Variants in PTPRM observed in about 807,000 individuals in gnomAD.
The protein encoded by PTPRM is protein tyrosine phosphatase receptor type M, also known as receptor-type tyrosine-protein phosphatase mu.
In PTPRM, 47 loss-of-function variants were observed where a neutral mutation model predicts 186.7. That is an observed-to-expected ratio of 0.25 (90% CI 0.20 to 0.32). The LOEUF is 0.32. Among genes scored for constraint, PTPRM ranks in the 10% least tolerant of loss-of-function variants. The pLI, the probability that PTPRM is intolerant of heterozygous loss-of-function variation, is 1.00. For missense variants in PTPRM, 1,494 were observed against 1,865.0 expected, an observed-to-expected ratio of 0.80 and a Z score of 3.66; for synonymous variants, 668 against 674.9, an observed-to-expected ratio of 0.99 and a Z score of 0.16.
At chr18:7,644,959 T>C (rs1011849876) in intron 1 of PTPRM, among the ~76,000 whole-genome samples, 2 of 152,240 alleles carry the variant, frequency 1.3e-5, no homozygotes, top group African/African-American at 4.8e-5. Context: ...AAAGACCTTC[T>C]GTGCTAATGC....
At chr18:7,693,671 A>G (rs948583018) in intron 1 of PTPRM, among the ~76,000 whole-genome samples, 1 of 152,206 alleles carries the variant, frequency 6.6e-6, no homozygotes, top group African/African-American at 2.4e-5. Flanking sequence ...AGCAATCTGT[A>G]ATATCAATGA....
chr18:8,168,530 G>A (rs921207008), intron 14 of PTPRM, among the ~76,000 whole-genome samples: 1 of 151,976 alleles, frequency 6.6e-6, no homozygotes, highest in South Asian at 2.1e-4. Context: ...TTGTTAATTT[G>A]TAGACTGTTT....
chr18:8,363,168 C>T (rs563863538), intron 23 of PTPRM, among the ~76,000 whole-genome samples: 237 of 152,294 alleles, frequency 1.6e-3, no homozygotes, highest in Non-Finnish European at 3.0e-3. Context: ...CAGTGTTGGT[C>T]CCTTAGGTCT....
At chr18:7,738,700 CA>C (rs1388609156) in intron 1 of PTPRM, among the ~76,000 whole-genome samples, 1 of 152,024 alleles carries the variant, frequency 6.6e-6, no homozygotes, top group African/African-American at 2.4e-5. Context: ...CTCGGCCTCC[CA>C]AAGTGCTGGG....
At chr18:7,699,326 C>G (rs758488134) in intron 1 of PTPRM, among the ~76,000 whole-genome samples, 1 of 152,038 alleles carries the variant, frequency 6.6e-6, no homozygotes, top group African/African-American at 2.4e-5. Context: ...ATATACTTAT[C>G]GAAAATATAT....
chr18:8,234,069 C>A (rs2094317472), intron 14 of PTPRM, among the ~76,000 whole-genome samples: 1 of 152,144 alleles, frequency 6.6e-6, no homozygotes, highest in Non-Finnish European at 1.5e-5. Flanking sequence ...AATCTTCCAA[C>A]TTTTTTCTAA....
At chr18:7,723,379 C>G (rs1256151806) in intron 1 of PTPRM, among the ~76,000 whole-genome samples, 1 of 152,140 alleles carries the variant, frequency 6.6e-6, no homozygotes, top group African/African-American at 2.4e-5. Context: ...ATACCATTAA[C>G]CTAATAGATC....
At chr18:7,773,509 C>T (rs1468714017) in intron 1 of PTPRM, among the ~76,000 whole-genome samples, 3 of 151,318 alleles carry the variant, frequency 2.0e-5, no homozygotes, top group Non-Finnish European at 4.4e-5. Context: ...AATTCCTATA[C>T]ATCTGGAAAC....
chr18:7,818,026 G>T (rs1343375561), intron 2 of PTPRM, among the ~76,000 whole-genome samples: 4 of 152,214 alleles, frequency 2.6e-5, no homozygotes, highest in Non-Finnish European at 5.9e-5. Flanking sequence ...GGTCAGGGCA[G>T]CCTAGGGATT....
At chr18:8,323,889 C>T (rs1475040644) in intron 22 of PTPRM, among the ~76,000 whole-genome samples, 1 of 152,086 alleles carries the variant, frequency 6.6e-6, no homozygotes, top group South Asian at 2.1e-4. Flanking sequence ...ATATCAAGAT[C>T]GTTTCCCCAG....
intron 5 of PTPRM, among the ~76,000 whole-genome samples, chr18:7,937,119 A>G (rs1002161122): frequency 1.3e-5 from 2 of 152,162 alleles, no homozygotes; most frequent in African/African-American, 4.8e-5. Flanking sequence ...TTCTTCCTAG[A>G]CACAGGACAA....
intron 2 of PTPRM, among the ~76,000 whole-genome samples, chr18:7,790,254 A>C (rs961080255): frequency 6.6e-6 from 1 of 152,212 alleles, no homozygotes; most frequent in African/African-American, 2.4e-5. Context: ...CCCAGTAGAT[A>C]CGAACAATAT....
intron 14 of PTPRM, among the ~76,000 whole-genome samples, chr18:8,215,367 A>C (rs1369401052): frequency 1.3e-5 from 2 of 151,830 alleles, no homozygotes; most frequent in Non-Finnish European, 2.9e-5. Flanking sequence ...TTTCATGAAG[A>C]TACTTATAAA....
intron 14 of PTPRM, among the ~76,000 whole-genome samples, chr18:8,198,717 A>G (rs1019203240): frequency 6.6e-6 from 1 of 152,292 alleles, no homozygotes. Flanking sequence ...CCTTTTGGCT[A>G]CAACCAGTGG....
intron 31 of PTPRM, among the ~76,000 whole-genome samples, chr18:8,391,390 C>G (rs537421189): frequency 1.3e-5 from 2 of 152,338 alleles, no homozygotes; most frequent in African/African-American, 4.8e-5. Context: ...GGTATTCATT[C>G]AGTGGAATTC....
At chr18:8,216,406 A>G (rs1455714444) in intron 14 of PTPRM, among the ~76,000 whole-genome samples, 2 of 152,244 alleles carry the variant, frequency 1.3e-5, no homozygotes, top group Admixed American at 1.3e-4. Context: ...TTCTAGAACC[A>G]CAGTCTGTCA....
chr18:8,171,630 C>T (rs574775497), intron 14 of PTPRM, among the ~76,000 whole-genome samples: 38 of 152,188 alleles, frequency 2.5e-4, no homozygotes, highest in East Asian at 1.9e-4. Context: ...GGGTCTAGGA[C>T]GGAGATCCAG....
chr18:8,087,190 C>T (rs118142838), intron 10 of PTPRM, among the ~76,000 whole-genome samples: 13 of 152,044 alleles, frequency 8.6e-5, no homozygotes, highest in Non-Finnish European at 1.3e-4. Context: ...GAAATAAGTG[C>T]CAATATATAT....
chr18:7,626,283 G>A (rs950166750), intron 1 of PTPRM, among the ~76,000 whole-genome samples: 2 of 152,126 alleles, frequency 1.3e-5, no homozygotes, highest in East Asian at 1.9e-4. Context: ...ACATGCACTC[G>A]CGTTTGGCAA....
Sources: gnomAD v4.1 joint callset for allele counts (sites outside exome capture counted in the v4.1 genomes callset) on GRCh38, gnomAD v4.1.1 for gene constraint, MANE v1.5 for transcripts, NCBI Gene and HGNC (gene_info 2026-07-23, HGNC 2026-07-21) for gene names.